TMEM108: variants seen among roughly 807,000 people sequenced by gnomAD.
TMEM108 encodes the protein cancer/testis antigen 124.
A neutral mutation model predicts 35.1 loss-of-function variants in TMEM108; 12 were observed. The ratio of observed to expected loss-of-function variants is 0.34; its 90% CI spans 0.22 to 0.55. The LOEUF is 0.55. Among genes scored for constraint, TMEM108 ranks in the 20% least tolerant of loss-of-function variants. TMEM108 has a pLI of 0.89. For synonymous variants in TMEM108, 287 were observed against 308.6 expected (o/e 0.93, Z 0.73); for missense variants, 680 against 753.3 (o/e 0.90, Z 1.14).
At chr3:133,153,787 C>T (rs1029620174) in intron 2 of TMEM108, among the ~76,000 whole-genome samples, 15 of 151,956 alleles carry the variant, frequency 9.9e-5, no homozygotes, top group African/African-American at 3.1e-4. Flanking sequence ...AAAGGCAAAC[C>T]GAAGTCTGCA....
chr3:133,122,316 A>G (rs1220113374), intron 2 of TMEM108, among the ~76,000 whole-genome samples: 1 of 152,218 alleles, frequency 6.6e-6, no homozygotes, highest in Non-Finnish European at 1.5e-5. Context: ...TTTTTGAGGT[A>G]CTAATGTCTA....
chr3:133,258,732 G>C lies in TMEM108; in HGVS notation c.40+29381G>C, dbSNP rs188883482. ...CCCAAAACTTTGCATGAAGCAAAAG[G>C]AACTCTTCATTCAGACAGAGAGAGA... On this transcript the variant is annotated intron_variant, in intron 3 of 5. Coordinates refer to ENST00000321871, the MANE Select transcript of TMEM108 (RefSeq NM_023943.4). Among the ~76,000 whole-genome samples the C allele has an allele frequency of 2.1e-3, 320 of 152,294 alleles. 1 individual carries two copies. Among genetic ancestry groups the C allele is most frequent in the Admixed American group, 3.5e-3 (53 of 15,298 alleles).
intron 2 of TMEM108, chr3:133,192,937 T>C (rs1371025839): frequency 6.6e-6 from 1 of 151,986 alleles, no homozygotes; most frequent in Non-Finnish European, 1.5e-5. Context: ...CGTGTGTGCG[T>C]GCATGTGTGT....
intron 2 of TMEM108, among the ~76,000 whole-genome samples, chr3:133,073,634 AT>A (rs1943706475): frequency 6.6e-6 from 1 of 150,826 alleles, no homozygotes; most frequent in African/African-American, 2.4e-5. Context: ...GAGTGCAGAT[AT>A]CTCTTCTACA....
At chr3:133,149,039 A>G (rs907952581) in intron 2 of TMEM108, among the ~76,000 whole-genome samples, 4 of 151,970 alleles carry the variant, frequency 2.6e-5, no homozygotes, top group Admixed American at 1.3e-4. Context: ...CAAATATTTA[A>G]CCTAGCTTAT....
intron 5 of TMEM108, among the ~76,000 whole-genome samples, chr3:133,393,332 A>G (rs976472021): frequency 2.0e-5 from 3 of 152,122 alleles, no homozygotes; most frequent in Non-Finnish European, 4.4e-5. Flanking sequence ...TCACCACTTG[A>G]CATTGCATCA....
At chr3:133,092,852 G>A (rs534177407) in intron 2 of TMEM108, among the ~76,000 whole-genome samples, 12 of 152,216 alleles carry the variant, frequency 7.9e-5, no homozygotes, top group East Asian at 7.7e-4. Flanking sequence ...GTGAAGAGCC[G>A]ATTTAAGTAG....
At chr3:133,113,601 A>G (rs1944251941) in intron 2 of TMEM108, among the ~76,000 whole-genome samples, 1 of 152,148 alleles carries the variant, frequency 6.6e-6, no homozygotes, top group African/African-American at 2.4e-5. Flanking sequence ...ACAAGTAATA[A>G]TTTTAGGCCA....
intron 2 of TMEM108, among the ~76,000 whole-genome samples, chr3:133,159,706 G>T (rs905222726): frequency 2.6e-5 from 4 of 152,202 alleles, no homozygotes; most frequent in Non-Finnish European, 2.9e-5. Context: ...GAGTCACAGA[G>T]ACGTTAAATG....
At chr3:133,117,418 G>A (rs1215859529) in intron 2 of TMEM108, among the ~76,000 whole-genome samples, 1 of 152,126 alleles carries the variant, frequency 6.6e-6, no homozygotes, top group Admixed American at 6.5e-5. Flanking sequence ...ATTCCTTTCT[G>A]CCAGAACTGC....
intron 3 of TMEM108, among the ~76,000 whole-genome samples, chr3:133,232,574 G>C (rs9877835): frequency 0.2 from 30,688 of 152,164 alleles, 3,641 homozygotes; most frequent in Middle Eastern, 0.32. Flanking sequence ...AACAGACTAA[G>C]ACAGTAAGAC....
chr3:133,083,172 C>A (rs561552750), intron 2 of TMEM108, among the ~76,000 whole-genome samples: 13 of 98,996 alleles, frequency 1.3e-4, no homozygotes, highest in Admixed American at 3.4e-4. Flanking sequence ...CTTGGAAAGC[C>A]CCCCCCCACC....
At chr3:133,190,852 G>T (rs1433452351) in intron 2 of TMEM108, among the ~76,000 whole-genome samples, 1 of 152,092 alleles carries the variant, frequency 6.6e-6, no homozygotes, top group East Asian at 1.9e-4. Flanking sequence ...GAACAAAGAG[G>T]AATATTGGCT....
intron 2 of TMEM108, among the ~76,000 whole-genome samples, chr3:133,176,668 G>T (rs1945235422): frequency 6.6e-6 from 1 of 152,112 alleles, no homozygotes; most frequent in Admixed American, 6.5e-5. Flanking sequence ...ATTCAAAGCA[G>T]TGTGTAGAGG....
intron 2 of TMEM108, among the ~76,000 whole-genome samples, chr3:133,089,574 A>G (rs1943924371): frequency 6.6e-6 from 1 of 152,216 alleles, no homozygotes; most frequent in African/African-American, 2.4e-5. Context: ...CACTTCATAT[A>G]AATAGTAACT....
At chr3:133,219,820 C>A (rs1351361659) in intron 2 of TMEM108, among the ~76,000 whole-genome samples, 1 of 152,046 alleles carries the variant, frequency 6.6e-6, no homozygotes, top group Non-Finnish European at 1.5e-5. Context: ...GTGGAATGTT[C>A]TATATATGTC....
At chr3:133,308,535 A>ATC (rs1309882316) in intron 3 of TMEM108, among the ~76,000 whole-genome samples, 1 of 152,124 alleles carries the variant, frequency 6.6e-6, no homozygotes, top group African/African-American at 2.4e-5. Flanking sequence ...GATATGTTCC[A>ATC]TCAATACCTA....
intron 3 of TMEM108, among the ~76,000 whole-genome samples, chr3:133,230,803 A>G (rs1576398166): frequency 6.6e-6 from 1 of 152,204 alleles, no homozygotes; most frequent in East Asian, 1.9e-4. Context: ...TCAGTAAATT[A>G]TCCTGCAGTC....
chr3:133,230,083 C>T lies in TMEM108; in HGVS notation c.40+732C>T, dbSNP rs548078753. The stretch of plus-strand genomic sequence containing the variant: ...CCCACTTAAGACAATAGGCATTACC[C>T]GCTCCAGGTCAAACCAAAGCCAGTG... On this transcript the variant is annotated intron_variant, in intron 3 of 5. Coordinates refer to ENST00000321871, the MANE Select transcript of TMEM108 (RefSeq NM_023943.4). 2.4e-4 allele frequency among the ~76,000 whole-genome samples: 36 copies of T among 152,268 alleles called. 1 individual carries two copies. Among genetic ancestry groups the T allele is most frequent in the South Asian group, 1.5e-3 (7 of 4,816 alleles).
Sources: allele counts gnomAD v4.1 joint callset (sites outside exome capture counted in the v4.1 genomes callset), GRCh38; gene constraint gnomAD v4.1.1; transcripts MANE v1.5; gene names NCBI Gene and HGNC (gene_info 2026-07-23, HGNC 2026-07-21).